Variants in ZMYM2 observed in about 807,000 individuals in gnomAD.
ZMYM2 encodes zinc finger MYM-type protein 2.
Under a neutral mutation model 162.8 loss-of-function variants are expected in ZMYM2, and 56 were observed. The observed-to-expected ratio is 0.34, with a 90% CI of 0.28 to 0.43. ZMYM2 has a LOEUF of 0.43. Among genes scored for constraint, ZMYM2 ranks in the 20% least tolerant of loss-of-function variants. The pLI, the probability that ZMYM2 is intolerant of heterozygous loss-of-function variation, is 1.00. For synonymous variants in ZMYM2, 510 were observed against 541.6 expected (o/e 0.94, Z 0.81); for missense variants, 1,275 against 1,621.8 (o/e 0.79, Z 3.67).
chr13:19,917,981 C>T, the ZMYM2 span, among the ~76,000 whole-genome samples: 5 of 152,116 alleles, frequency 3.3e-5, no homozygotes, highest in African/African-American at 1.2e-4. Context: ...CACTTGAGTC[C>T]GGGAGATGGA....
chr13:19,986,973 C>G (rs1040306134), intron 2 of ZMYM2, among the ~76,000 whole-genome samples: 2 of 151,646 alleles, frequency 1.3e-5, no homozygotes, highest in Non-Finnish European at 2.9e-5. Flanking sequence ...GTCATGGTGG[C>G]TCATGCCTGT....
At position 20,019,411 on chromosome 13, in the gene ZMYM2, A is replaced by AT. The variant is rs1951888931; in HGVS notation, c.1513-131dup. Reference sequence around the variant, plus strand: ...AGTAGTGGGGACAGGACAGGCAGACATTTTTAAAAGTTGGAATGAGTTTGT... The same window carrying AT: ...AGTAGTGGGGACAGGACAGGCAGACATTTTTTAAAAGTTGGAATGAGTTTGT... On this transcript the variant is annotated intron_variant, in intron 6 of 24. Coordinates refer to ENST00000610343, the MANE Select transcript of ZMYM2 (RefSeq NM_197968.4). 1.2e-5 allele frequency: 8 copies of AT among 682,888 alleles called. No individual in the cohort carries two copies. The East Asian group carries it at 2.0e-4, about 17-fold the overall frequency. The allele number at this position is 682,888 out of a possible 1,614,324, so 42.3% of individuals were successfully genotyped here.
the ZMYM2 span, chr13:19,864,771 G>A: frequency 6.6e-6 from 1 of 152,322 alleles, no homozygotes; most frequent in African/African-American, 2.4e-5. Flanking sequence ...CCCCTGCGGG[G>A]AGCAGAATCA....
chr13:19,987,727 C>T (rs529206209), intron 2 of ZMYM2, among the ~76,000 whole-genome samples: 26 of 151,400 alleles, frequency 1.7e-4, no homozygotes, highest in Admixed American at 1.1e-3. Flanking sequence ...ACAATCTGCC[C>T]GCCTCAGCCT....
Position 20,066,807 on chromosome 13 carries a change from G to A in ZMYM2, c.3133-44G>A, listed in dbSNP as rs997834623. 22 of 1,471,906 alleles carry A rather than the reference G, an allele frequency of 1.5e-5. No homozygotes were observed. In the Admixed American group the frequency reaches 3.6e-4, roughly 24 times the overall value. 91.2% of individuals were successfully genotyped at this position (1,471,906 alleles called of 1,614,324 possible). On this transcript the variant is annotated intron_variant, in intron 19 of 24. Coordinates refer to ENST00000610343, the MANE Select transcript of ZMYM2 (RefSeq NM_197968.4). The stretch of plus-strand genomic sequence containing the variant: ...GGCTTGTATAAAGTAATGAAATAAT[G>A]TAGGCTTTAAAAAAGATATTATTAT...
At chr13:19,897,242 C>T in the ZMYM2 span, among the ~76,000 whole-genome samples, 1 of 152,026 alleles carries the variant, frequency 6.6e-6, no homozygotes, top group Non-Finnish European at 1.5e-5. Flanking sequence ...CAGAAAACAA[C>T]AAAAGGCAAT....
At position 19,993,794 on chromosome 13, in the gene ZMYM2, T is replaced by C; in HGVS notation, c.722T>C (p.Ile241Thr). 1.2e-5 allele frequency: 20 copies of C among 1,614,188 alleles called. No individual in the cohort carries two copies. Among genetic ancestry groups the C allele is most frequent in the Non-Finnish European group, 1.7e-5 (20 of 1,180,024 alleles). ...GLQSSNFGVN[I>T]QTYTPSLTSQ... Reference sequence around the variant, plus strand: ...CAGTCAAGTAATTTTGGTGTTAATATACAAACATACACCCCATCTTTAACT... The same window carrying C: ...CAGTCAAGTAATTTTGGTGTTAATACACAAACATACACCCCATCTTTAACT... The change falls in exon 3 of 25, where the codon ATA becomes ACA. Residue 241 changes from isoleucine to threonine, a missense_variant. Transcript: ENST00000610343.
chr13:19,884,134 G>C, the ZMYM2 span, among the ~76,000 whole-genome samples: 2 of 152,178 alleles, frequency 1.3e-5, no homozygotes, highest in Non-Finnish European at 1.5e-5. Context: ...ACCTTGGAAG[G>C]CTGAGGCAGG....
At chr13:20,030,420 A>T (rs1952994345) in intron 9 of ZMYM2, among the ~76,000 whole-genome samples, 1 of 125,504 alleles carries the variant, frequency 8.0e-6, no homozygotes. Context: ...TTTTTTTGAG[A>T]CGGAGTCTCG....
intron 3 of ZMYM2, among the ~76,000 whole-genome samples, chr13:20,002,401 T>C (rs1459624933): frequency 6.6e-6 from 1 of 152,206 alleles, no homozygotes; most frequent in African/African-American, 2.4e-5. Context: ...TGATACCATT[T>C]CAGGCGCTCT....
intron 17 of ZMYM2, among the ~76,000 whole-genome samples, chr13:20,062,233 A>T (rs535514298): frequency 6.6e-6 from 1 of 152,354 alleles, no homozygotes; most frequent in East Asian, 1.9e-4. Context: ...AGAAAAAGCT[A>T]AGTGGAATAG....
the ZMYM2 span, among the ~76,000 whole-genome samples, chr13:19,878,019 C>T: frequency 4.0e-5 from 6 of 151,492 alleles, no homozygotes; most frequent in Non-Finnish European, 7.4e-5. Flanking sequence ...GTTCCAATTT[C>T]TTCACATTCT....
chr13:20,050,455 A>T (rs1162897090), intron 12 of ZMYM2, among the ~76,000 whole-genome samples: 1 of 152,018 alleles, frequency 6.6e-6, no homozygotes, highest in African/African-American at 2.4e-5. Flanking sequence ...AAAATACTTA[A>T]CAGTTATTAC....
intron 12 of ZMYM2, among the ~76,000 whole-genome samples, chr13:20,037,720 A>G (rs945114502): frequency 2.0e-5 from 3 of 152,180 alleles, no homozygotes; most frequent in African/African-American, 7.2e-5. Flanking sequence ...GTGTATGTGT[A>G]TGTGTCATAC....
intron 6 of ZMYM2, among the ~76,000 whole-genome samples, chr13:20,009,812 G>T (rs1172302840): frequency 6.6e-6 from 1 of 152,084 alleles, no homozygotes; most frequent in African/African-American, 2.4e-5. Flanking sequence ...TCGATTTGTT[G>T]TCCCTATGAT....
intron 21 of ZMYM2, among the ~76,000 whole-genome samples, chr13:20,073,370 T>C (rs1189048708): frequency 2.0e-5 from 3 of 152,148 alleles, no homozygotes; most frequent in Admixed American, 1.3e-4. Flanking sequence ...TATAAAAGAA[T>C]AAAAAACAAT....
rs1490710783 is a variant in ZMYM2, at chr13:19,991,950, A to G, written c.-10-1113A>G. On this transcript the variant is annotated intron_variant, in intron 2 of 24. Coordinates refer to ENST00000610343, the MANE Select transcript of ZMYM2 (RefSeq NM_197968.4). ...CCCTCTGCATGTCTTTTATAAGGGT[A>G]CTTGTGAGTACATTTGTGACCCACT... Among the ~76,000 whole-genome samples, 3 of 152,074 alleles carry G rather than the reference A, an allele frequency of 2.0e-5. No homozygotes were observed. In the East Asian group the frequency reaches 5.8e-4, roughly 29 times the overall value.
At chr13:20,065,681 G>A (rs1322956679) in intron 19 of ZMYM2, among the ~76,000 whole-genome samples, 4 of 152,104 alleles carry the variant, frequency 2.6e-5, no homozygotes, top group Admixed American at 6.5e-5. Flanking sequence ...GCACGTGCCT[G>A]CAGTCCCAGC....
At chr13:20,030,089 C>G (rs1952948594) in intron 9 of ZMYM2, among the ~76,000 whole-genome samples, 1 of 151,700 alleles carries the variant, frequency 6.6e-6, no homozygotes, top group Non-Finnish European at 1.5e-5. Flanking sequence ...GCTATGACGT[C>G]CAGTCTGTAA....
Sources: gnomAD v4.1 joint callset for allele counts (sites outside exome capture counted in the v4.1 genomes callset) on GRCh38, gnomAD v4.1.1 for gene constraint, MANE v1.5 for transcripts, NCBI Gene and HGNC (gene_info 2026-07-23, HGNC 2026-07-21) for gene names.